Variants in NEB observed in about 807,000 individuals in gnomAD.
NEB encodes the protein nebulin.
Under a neutral mutation model 952.2 loss-of-function variants are expected in NEB, and 512 were observed. That is an observed-to-expected ratio of 0.54 (90% confidence interval 0.50 to 0.58). NEB has a LOEUF of 0.58. Ranked by LOEUF, NEB falls within the 20% of genes least tolerant of loss-of-function variation. The pLI is 0.00. For synonymous variants in NEB, 2,900 were observed against 3,149.8 expected (o/e 0.92, Z 2.66); for missense variants, 8,428 against 9,231.1 (o/e 0.91, Z 3.56).
rs760026243 is a variant in NEB at position 151,639,871 on chromosome 2, T to C, written c.8875A>G (p.Ile2959Val). Reference sequence around the variant, plus strand: ...TGAAGTCTCACCTTGTTCATAGTGATGGCATTATTTTTGGCCAACACTTGT... The same window carrying C: ...TGAAGTCTCACCTTGTTCATAGTGACGGCATTATTTTTGGCCAACACTTGT... ...LEQVLAKNNA[I>V]TMNKRLYTEA... Residue 2959 changes from isoleucine (I) to valine (V), a missense_variant, in exon 62 of 182, where the codon ATC becomes GTC. Physicochemically the swap from Ile to Val is conservative, Grantham distance 29. Coordinates refer to ENST00000397345, the MANE Select transcript of NEB (RefSeq NM_001164508.2). 3.7e-6 allele frequency: 6 copies of C among 1,613,534 alleles called. No homozygotes were observed. Among genetic ancestry groups the C allele is most frequent in the Non-Finnish European group, 5.1e-6 (6 of 1,179,624 alleles).
Position 151,650,783 on chromosome 2 carries a change from T to A in NEB, c.7018A>T (p.Met2340Leu). 6.2e-7 allele frequency: 1 copy of A among 1,613,974 alleles called. No homozygotes were observed. The highest frequency in any genetic ancestry group is 1.1e-5 in the South Asian group (1 of 91,082). The change falls in exon 53 of 182, where the codon ATG becomes TTG. Residue 2340 changes from methionine to leucine, a missense_variant. By Grantham distance (15) the Met-to-Leu change is conservative. Transcript: ENST00000397345. ...KLVLSMNVAK[M>L]QSEREYKKDF... ...TTCTTGTATTCTCTTTCACTCTGCA[T>A]TTTGGCTACATTCATGGACAACACA...
intron 169 of NEB, 147 bp from the exon 170 acceptor site, chr2:151,498,499 T>C (rs956265050): frequency 3.3e-6 from 2 of 606,650 alleles, no homozygotes; most frequent in Non-Finnish European, 5.8e-6. Context: ...ACCTGTTTGT[T>C]TGAGCCTAAA....
At chr2:151,535,334 C>A (rs2092913851) in intron 142 of NEB, among the ~76,000 whole-genome samples, 1 of 152,176 alleles carries the variant, frequency 6.6e-6, no homozygotes, top group South Asian at 2.1e-4. Context: ...TCTGTGTCTT[C>A]CAAATCTACA....
intron 135 of NEB, among the ~76,000 whole-genome samples, chr2:151,542,211 ACCT>A (rs1386575072): frequency 6.6e-6 from 1 of 151,598 alleles, no homozygotes; most frequent in Non-Finnish European, 1.5e-5. Context: ...TGTCTTTTAG[ACCT>A]CCTCATCAGC....
intron 161 of NEB, among the ~76,000 whole-genome samples, chr2:151,512,499 G>T (rs1380350595): frequency 6.6e-6 from 1 of 151,688 alleles, no homozygotes; most frequent in Non-Finnish European, 1.5e-5. Flanking sequence ...ATTTTTGTAG[G>T]GACAGGGTTT....
chr2:151,498,001 G>T, intron 170 of NEB: 4 of 1,433,984 alleles, frequency 2.8e-6, no homozygotes, highest in Non-Finnish European at 2.7e-6. Flanking sequence ...ATGAGGATTT[G>T]AGACTGTTAG....
intron 70 of NEB, among the ~76,000 whole-genome samples, chr2:151,626,766 C>T (rs868240618): frequency 2.0e-5 from 3 of 152,078 alleles, no homozygotes; most frequent in African/African-American, 7.2e-5. Context: ...CCTCATGATC[C>T]GCCTGCCTTG....
chr2:151,533,770 C>G (rs1216935968), intron 142 of NEB, among the ~76,000 whole-genome samples: 3 of 152,218 alleles, frequency 2.0e-5, no homozygotes, highest in Admixed American at 2.0e-4. Flanking sequence ...AATGATACAG[C>G]TAGTTTCACT....
At chr2:151,537,820 C>CT in intron 140 of NEB, 52 bp downstream of exon 140, 1 of 1,246,480 alleles carries the variant, frequency 8.0e-7, no homozygotes, top group Non-Finnish European at 1.1e-6. Flanking sequence ...GATTTCAGAG[C>CT]TTATATGGGA....
In NEB at chr2:151,696,702, A is replaced by T; in HGVS notation, c.1504T>A (p.Phe502Ile). Reference sequence around the variant, plus strand: ...ACAGGAGAGTCTGTAACTTGGGTGAATTTTGTCTTATCTGGATGGACTTTG... The same window carrying T: ...ACAGGAGAGTCTGTAACTTGGGTGATTTTTGTCTTATCTGGATGGACTTTG... ...TYKVHPDKTK[F>I]TQVTDSPVLL... The change falls in exon 17 of 182, where the codon TTC becomes ATC. Residue 502 changes from phenylalanine (F) to isoleucine (I), a missense_variant. Physicochemically the swap from Phe to Ile is conservative, Grantham distance 21. This residue lies in a region of NEB where 2,851 missense variants were observed against 2,791.5 expected (regional missense o/e 1.02). Transcript: ENST00000397345. The T allele has an allele frequency of 6.2e-7, 1 of 1,613,800 alleles. No individual in the cohort carries two copies. The highest frequency in any genetic ancestry group is 8.5e-7 in the Non-Finnish European group (1 of 1,179,788).
At chr2:151,705,612 A>T (rs2099702550) in intron 13 of NEB, among the ~76,000 whole-genome samples, 1 of 152,196 alleles carries the variant, frequency 6.6e-6, no homozygotes, top group African/African-American at 2.4e-5. Flanking sequence ...TGAAAAAGAC[A>T]CATGCATAAG....
intron 143 of NEB, chr2:151,532,242 CA>C: frequency 5.1e-6 from 1 of 197,730 alleles, no homozygotes; most frequent in Non-Finnish European, 1.0e-5. Context: ...ATGTTTTATA[CA>C]CATGTACTCG....
chr2:151,497,572 G>GAA (rs2061073349), intron 171 of NEB, 54 bp downstream of exon 171: 2 of 1,535,616 alleles, frequency 1.3e-6, no homozygotes, highest in Admixed American at 2.1e-5. Context: ...TTTAAATCAT[G>GAA]AAAGTTTTCA....
chr2:151,563,781 G>A, intron 118 of NEB, 42 bp downstream of exon 118: 6 of 1,607,998 alleles, frequency 3.7e-6, no homozygotes, highest in Non-Finnish European at 5.1e-6. Context: ...TTGATCCCCA[G>A]TAAAGACTCT....
chr2:151,690,664 C>T, intron 24 of NEB, 63 bp downstream of exon 24: 1 of 1,182,638 alleles, frequency 8.5e-7, no homozygotes, highest in Non-Finnish European at 1.2e-6. Flanking sequence ...CATGTAAATG[C>T]TTACATTTTA....
At chr2:151,497,442 G>GTA in intron 171 of NEB, 184 bp downstream of exon 171, 1 of 980,868 alleles carries the variant, frequency 1.0e-6, no homozygotes, top group Non-Finnish European at 1.2e-6. Context: ...GAAATTAACT[G>GTA]TATTATAGAA....
intron 146 of NEB, among the ~76,000 whole-genome samples, chr2:151,528,771 T>C (rs1236273590): frequency 6.6e-6 from 1 of 152,228 alleles, no homozygotes; most frequent in East Asian, 1.9e-4. Context: ...AGGGAATATC[T>C]GAGCAGGAAG....
chr2:151,570,006 G>A, intron 109 of NEB, 75 bp downstream of exon 109: 3 of 1,370,712 alleles, frequency 2.2e-6, no homozygotes, highest in Non-Finnish European at 3.0e-6. Flanking sequence ...ATGACAGAAG[G>A]GGTTAGTGTC....
intron 30 of NEB, 26 bp from the exon 31 acceptor site, chr2:151,680,048 A>G: frequency 6.7e-7 from 1 of 1,493,438 alleles, no homozygotes; most frequent in African/African-American, 1.4e-5. Flanking sequence ...ATGCATAAAC[A>G]AACAAATAAA....
Sources: allele counts gnomAD v4.1 joint callset (sites outside exome capture counted in the v4.1 genomes callset), GRCh38; gene constraint gnomAD v4.1.1; regional missense constraint gnomAD v4.1.1; transcripts MANE v1.5; gene names NCBI Gene and HGNC (gene_info 2026-07-23, HGNC 2026-07-21).